The following LAMA3 variants were observed in gnomAD, a reference collection of about 807,000 sequenced individuals.
The protein encoded by LAMA3 is laminin subunit alpha 3.
LAMA3 carries 281 observed loss-of-function variants against 402.0 expected under a neutral mutation model. That is an observed-to-expected ratio of 0.70 (90% confidence interval 0.63 to 0.77). The LOEUF (loss-of-function observed/expected upper bound fraction) is 0.77. Ranked by LOEUF, LAMA3 falls within the 30% of genes least tolerant of loss-of-function variation. The pLI is 0.00. For missense variants in LAMA3, 3,840 were observed against 4,215.5 expected (o/e 0.91, Z 2.47); for synonymous variants, 1,431 against 1,558.4 (o/e 0.92, Z 1.93).
At chr18:23,931,441 G>A (rs1259440730) in intron 65 of LAMA3, 1 of 487,274 alleles carries the variant, frequency 2.1e-6, no homozygotes, top group African/African-American at 1.9e-5. Flanking sequence ...AGGGTTGCTT[G>A]AGGCCAAGAG....
chr18:23,945,920 T>A (rs1038034175), intron 69 of LAMA3, among the ~76,000 whole-genome samples: 5 of 151,006 alleles, frequency 3.3e-5, no homozygotes, highest in Non-Finnish European at 7.4e-5. Context: ...CTAAGCAACC[T>A]TTTTTTTTCA....
intron 68 of LAMA3, 102 bp from the exon 69 acceptor site, chr18:23,943,686 A>G: frequency 1.9e-6 from 2 of 1,065,024 alleles, no homozygotes; most frequent in South Asian, 2.5e-5. Flanking sequence ...TCCATTTGAA[A>G]AATGGGGGTT....
intron 12 of LAMA3, among the ~76,000 whole-genome samples, chr18:23,794,115 G>C (rs2144115290): frequency 6.6e-6 from 1 of 152,334 alleles, no homozygotes; most frequent in South Asian, 2.1e-4. Flanking sequence ...CAGCTATCTG[G>C]AAGCTCTCTG....
rs571049047 is a variant in LAMA3, at chr18:23,915,256, C to G, written c.7645-33C>G. The G allele has an allele frequency of 8.7e-6, 14 of 1,609,222 alleles. No homozygotes were observed. The South Asian group carries it at 1.3e-4, about 15-fold the overall frequency. On this transcript the variant is annotated intron_variant, in intron 58 of 74. Transcript: ENST00000313654. The stretch of plus-strand genomic sequence containing the variant: ...ACTATTTTGATTATTGTCCTTTGTT[C>G]AATTGGTGGAAGATGTTTTATTTCA...
chr18:23,817,877 G>A (rs1275118411), intron 18 of LAMA3, among the ~76,000 whole-genome samples: 2 of 152,138 alleles, frequency 1.3e-5, no homozygotes, highest in African/African-American at 4.8e-5. Context: ...TGCATAAAAC[G>A]TTTTCCTGGC....
chr18:23,779,713 G>A (rs1009191282), intron 11 of LAMA3, among the ~76,000 whole-genome samples: 2 of 152,168 alleles, frequency 1.3e-5, no homozygotes, highest in African/African-American at 4.8e-5. Context: ...GGAGGGCTCG[G>A]GGTTGAGTAG....
chr18:23,940,516 G>A (rs751299250), intron 68 of LAMA3, among the ~76,000 whole-genome samples: 14 of 152,304 alleles, frequency 9.2e-5, no homozygotes, highest in Non-Finnish European at 1.5e-4. Flanking sequence ...CCTGTCTTGC[G>A]TGTTAGCAGA....
chr18:23,762,439 G>A (rs1353118144), intron 7 of LAMA3, among the ~76,000 whole-genome samples: 6 of 149,546 alleles, frequency 4.0e-5, no homozygotes, highest in Non-Finnish European at 8.9e-5. Context: ...AAATACTAAG[G>A]TTAGCTGGGT....
At chr18:23,738,818 T>C (rs750018797) in intron 2 of LAMA3, among the ~76,000 whole-genome samples, 1 of 152,234 alleles carries the variant, frequency 6.6e-6, no homozygotes, top group Non-Finnish European at 1.5e-5. Context: ...TCACTTGCTC[T>C]AGATGCAGAC....
intron 39 of LAMA3, among the ~76,000 whole-genome samples, chr18:23,876,998 G>A (rs2064742388): frequency 6.6e-6 from 1 of 152,168 alleles, no homozygotes; most frequent in Non-Finnish European, 1.5e-5. Flanking sequence ...TGCAGCCTGG[G>A]CAACAAGAAC....
chr18:23,798,564 C>G (rs1397403296), intron 12 of LAMA3, among the ~76,000 whole-genome samples: 2 of 152,146 alleles, frequency 1.3e-5, no homozygotes, highest in Admixed American at 1.3e-4. Flanking sequence ...CTTTCCAGGG[C>G]AAAACCAGAG....
chr18:23,915,028 A>C (rs568625484), intron 58 of LAMA3, among the ~76,000 whole-genome samples, 168 bp downstream of exon 58: 1 of 152,308 alleles, frequency 6.6e-6, no homozygotes, highest in African/African-American at 2.4e-5. Flanking sequence ...TCCTCTGTGC[A>C]CTGTTCTAAG....
At chr18:23,735,219 TG>T (rs1400908703) in intron 2 of LAMA3, among the ~76,000 whole-genome samples, 1 of 152,210 alleles carries the variant, frequency 6.6e-6, no homozygotes, top group Non-Finnish European at 1.5e-5. Flanking sequence ...AGGTGGCTCC[TG>T]AGGCTGGCCT....
intron 1 of LAMA3, among the ~76,000 whole-genome samples, chr18:23,713,406 G>A (rs1009486971): frequency 3.3e-5 from 5 of 152,120 alleles, no homozygotes; most frequent in South Asian, 2.1e-4. Flanking sequence ...AATATCTACC[G>A]CCATTGGCCA....
chr18:23,900,055 CTT>C (rs2081014776), intron 47 of LAMA3, among the ~76,000 whole-genome samples: 1 of 89,582 alleles, frequency 1.1e-5, no homozygotes, highest in Non-Finnish European at 2.7e-5. Context: ...ATGAAATGAA[CTT>C]TGTGTGTGTG....
chr18:23,829,595 T>G lies in LAMA3; in HGVS notation c.2823+2128T>G, dbSNP rs189975548. ...GGTCATGAGGCCACATATTTGATTT[T>G]TGGTTCCCAAATTCCATAGCTTCTT... is the stretch of plus-strand genomic sequence containing the variant. On this transcript the variant is annotated intron_variant, in intron 23 of 74. Transcript: ENST00000313654. 1.2e-3 allele frequency among the ~76,000 whole-genome samples: 180 copies of G among 152,354 alleles called. 2 individuals are homozygous for G. The highest frequency in any genetic ancestry group is 4.1e-3 in the African/African-American group (171 of 41,586).
At chr18:23,827,531 T>C (rs2063408623) in intron 23 of LAMA3, 64 bp downstream of exon 23, 4 of 1,555,892 alleles carry the variant, frequency 2.6e-6, no homozygotes, top group Non-Finnish European at 3.5e-6. Flanking sequence ...CTGCTAAAAA[T>C]ACTTGGCCAC....
At chr18:23,783,196 T>C (rs2062471453) in intron 11 of LAMA3, among the ~76,000 whole-genome samples, 1 of 152,118 alleles carries the variant, frequency 6.6e-6, no homozygotes, top group Non-Finnish European at 1.5e-5. Flanking sequence ...AGGGCAAGAA[T>C]GGAAACGGCA....
chr18:23,887,702 G>T (rs1200007751), intron 41 of LAMA3, among the ~76,000 whole-genome samples: 4 of 152,330 alleles, frequency 2.6e-5, no homozygotes, highest in Non-Finnish European at 5.9e-5. Flanking sequence ...TATAGATTAT[G>T]CAGGAGACTA....
Sources: gnomAD v4.1 joint callset for allele counts (sites outside exome capture counted in the v4.1 genomes callset) on GRCh38, gnomAD v4.1.1 for gene constraint, MANE v1.5 for transcripts, NCBI Gene and HGNC (gene_info 2026-07-23, HGNC 2026-07-21) for gene names.